GALNS: variants seen among roughly 807,000 people sequenced by gnomAD.
The protein encoded by GALNS is galactosamine (N-acetyl)-6-sulfatase.
Under a neutral mutation model 65.9 loss-of-function variants are expected in GALNS, and 65 were observed. That is an observed-to-expected ratio of 0.99 (90% CI 0.81 to 1.21). GALNS has a LOEUF of 1.21. Ranked by LOEUF, GALNS falls within the 50% of genes most tolerant of loss-of-function variation. The pLI is 0.00. For missense variants in GALNS, 776 were observed against 700.7 expected (o/e 1.11, Z -1.21); for synonymous variants, 346 against 288.9 (o/e 1.20, Z -2.00).
intron 11 of GALNS, among the ~76,000 whole-genome samples, chr16:88,824,413 C>G (rs1910585011): frequency 6.6e-6 from 1 of 152,164 alleles, no homozygotes; most frequent in African/African-American, 2.4e-5. Flanking sequence ...CTGGGCCAAG[C>G]AGGCCACGTC....
Position 88,837,817 on chromosome 16 carries a change from A to T in GALNS, c.423-52T>A, listed in dbSNP as rs757726045. On this transcript the variant is annotated intron_variant, in intron 4 of 13. Transcript: ENST00000268695. ...AGGGACCCCACGTGGGGACACTCGG[A>T]AGTTCTGAGCAGCAACAGATACCAC... 1.4e-5 allele frequency: 23 copies of T among 1,602,656 alleles called. No homozygotes were observed. In the South Asian group the frequency reaches 2.4e-4, roughly 17 times the overall value.
intron 2 of GALNS, chr16:88,842,302 CT>C (rs1967013033): frequency 1.9e-6 from 1 of 522,994 alleles, no homozygotes; most frequent in Non-Finnish European, 3.5e-6. Context: ...GCCCTGCCTT[CT>C]CCTCTTCCTC....
Position 88,846,677 on chromosome 16 carries a change from G to A in GALNS, c.121-3848C>T, listed in dbSNP as rs1295530041. On this transcript the variant is annotated intron_variant, in intron 1 of 13. Coordinates refer to ENST00000268695, the MANE Select transcript of GALNS (RefSeq NM_000512.5). ...CCTGCCTCAGCCTCCCAAGTAGCTG[G>A]GATTATAGGCGCCCTCCATCATGCT... Among the ~76,000 whole-genome samples the A allele has an allele frequency of 2.6e-5, 4 of 151,968 alleles. No homozygotes were observed. In the East Asian group the frequency reaches 7.7e-4, roughly 29 times the overall value.
chr16:88,815,732 G>A (rs920121023), intron 13 of GALNS: 124 of 985,314 alleles, frequency 1.3e-4, no homozygotes, highest in African/African-American at 1.4e-4. Flanking sequence ...AGCCCTAGGC[G>A]GCAGCAGGGA....
chr16:88,836,703 A>G (rs933826590), intron 5 of GALNS, among the ~76,000 whole-genome samples: 7 of 151,720 alleles, frequency 4.6e-5, no homozygotes, highest in African/African-American at 1.7e-4. Flanking sequence ...CACTCAGGGA[A>G]CAACCAAGCT....
chr16:88,835,479 G>A (rs1912024383), intron 7 of GALNS, 127 bp from the exon 8 acceptor site: 1 of 1,360,724 alleles, frequency 7.3e-7, no homozygotes, highest in Non-Finnish European at 1.0e-6. Context: ...AGTGAAACTG[G>A]CCGGCCTCTT....
Position 88,814,188 on chromosome 16 carries a change from C to G in GALNS, c.*251G>C, listed in dbSNP as rs1909392044. ...TCACAAAGGCGTGAGACGGCAGGGT[C>G]CTGAGGTCTGAGGCGCCGTGGGCGA... On this transcript the variant is annotated 3_prime_UTR_variant, in exon 14 of 14. Coordinates refer to ENST00000268695, the MANE Select transcript of GALNS (RefSeq NM_000512.5). 1 of 586,288 alleles carries G rather than the reference C, an allele frequency of 1.7e-6. No homozygotes were observed. The highest frequency in any genetic ancestry group is 2.9e-5 in the East Asian group (1 of 34,458). 36.3% of individuals were successfully genotyped at this position (586,288 alleles called of 1,614,324 possible). A position where few individuals can be genotyped will look rare whatever the true frequency, so the allele number is the denominator to read the frequency against.
At chr16:88,839,766 T>C (rs534986143) in intron 4 of GALNS, among the ~76,000 whole-genome samples, 1 of 152,298 alleles carries the variant, frequency 6.6e-6, no homozygotes, top group Admixed American at 6.5e-5. Flanking sequence ...GGGTCCCCTC[T>C]CTCCCGTCGA....
chr16:88,833,238 C>G (rs1333763213), intron 8 of GALNS, among the ~76,000 whole-genome samples: 1 of 152,184 alleles, frequency 6.6e-6, no homozygotes, highest in Non-Finnish European at 1.5e-5. Flanking sequence ...CAGCTCTGCT[C>G]AGAGCCCCTC....
At position 88,826,706 on chromosome 16, in the gene GALNS, C is replaced by T. The variant is rs146471218; in HGVS notation, c.1135G>A (p.Asp379Asn). ...CGGGGCAGGTCTAGCACCAACCTGTCCATCAGCCGGCCCTGCAGGAGGGTG... is the reference window on the plus strand; with the variant it reads ...CGGGGCAGGTCTAGCACCAACCTGTTCATCAGCCGGCCCTGCAGGAGGGTG... Reference protein sequence around the residue: ...LPTLLQGRLMDRPIFYYRGDT... With the variant: ...LPTLLQGRLMNRPIFYYRGDT... The change falls in exon 10 of 14, where the codon GAC becomes AAC. Residue 379 changes from aspartate to asparagine, a missense_variant. Coordinates refer to ENST00000268695, the MANE Select transcript of GALNS (RefSeq NM_000512.5). The T allele has an allele frequency of 2.2e-5, 36 of 1,612,368 alleles. No individual in the cohort carries two copies. The African/African-American group carries it at 4.7e-4, about 21-fold the overall frequency.
chr16:88,824,401 A>T (rs998364480), intron 11 of GALNS, among the ~76,000 whole-genome samples: 4 of 151,970 alleles, frequency 2.6e-5, no homozygotes, highest in Admixed American at 2.6e-4. Flanking sequence ...CCCATGTAGC[A>T]CCTGGGCCAA....
intron 13 of GALNS, chr16:88,816,449 C>T (rs79530020): frequency 0.025 from 24,640 of 985,342 alleles, 669 homozygotes; most frequent in African/African-American, 0.12. Context: ...GAGGCGGGGA[C>T]GCCAGCTGCC....
At position 88,836,270 on chromosome 16, in the gene GALNS, G is replaced by A. The variant is rs549597016; in HGVS notation, c.567-3C>T. On this transcript the variant is annotated splice_polypyrimidine_tract_variant and splice_region_variant and intron_variant, in intron 5 of 13. Transcript: ENST00000268695. ...TAATAGGAAATTCTTCATAATATCT[G>A]AAAAGAACACAGATCCAGACAGACT... The A allele has an allele frequency of 3.1e-4, 505 of 1,610,280 alleles. 9 individuals are homozygous for A. In the South Asian group the frequency reaches 5.3e-3, roughly 17 times the overall value.
chr16:88,829,387 G>A (rs1372218810), intron 9 of GALNS, among the ~76,000 whole-genome samples: 1 of 152,228 alleles, frequency 6.6e-6, no homozygotes, highest in African/African-American at 2.4e-5. Flanking sequence ...TGCTTCTCCT[G>A]CACAACAAGG....
intron 1 of GALNS, chr16:88,855,176 T>G (rs534381998): frequency 2.1e-5 from 14 of 665,452 alleles, no homozygotes; most frequent in Admixed American, 1.5e-4. Context: ...CAAAATATTA[T>G]TTCGACAAGT....
intron 10 of GALNS, 74 bp downstream of exon 10, chr16:88,826,628 G>A (rs1474841689): frequency 5.2e-6 from 8 of 1,545,806 alleles, no homozygotes; most frequent in African/African-American, 2.7e-5. Context: ...GGGCCTGGGG[G>A]TTGCACCTGA....
rs756456652 is a variant in GALNS at position 88,837,747 on chromosome 16, G to A, written c.441C>T (p.Pro147=). 1.7e-5 allele frequency: 27 copies of A among 1,613,862 alleles called. No individual in the cohort carries two copies. The highest frequency in any genetic ancestry group is 2.2e-5 in the Non-Finnish European group (26 of 1,180,016). ...ATCCGTGCTTCAGGGGGTGGAACTG[G>A]GGCCTGTGACCCAGATGCCTGGAAA... is the stretch of plus-strand genomic sequence containing the variant. ...IVGKWHLGHR[P]QFHPLKHGFD... is the part of the protein sequence containing the mutation. Residue 147 remains proline, a synonymous_variant, in exon 5 of 14, where the codon CCC becomes CCT. Coordinates refer to ENST00000268695, the MANE Select transcript of GALNS (RefSeq NM_000512.5).
At chr16:88,847,243 C>T (rs531562407) in intron 1 of GALNS, among the ~76,000 whole-genome samples, 1 of 152,232 alleles carries the variant, frequency 6.6e-6, no homozygotes, top group Admixed American at 6.5e-5. Context: ...TGGTGGCACA[C>T]ACCTGTAATC....
intron 1 of GALNS, among the ~76,000 whole-genome samples, chr16:88,849,211 C>G (rs2143008479): frequency 6.6e-6 from 1 of 152,270 alleles, no homozygotes; most frequent in Non-Finnish European, 1.5e-5. Flanking sequence ...GCCTTCCGGG[C>G]TCAGGTGATC....
Sources: gnomAD v4.1 joint callset for allele counts (sites outside exome capture counted in the v4.1 genomes callset) on GRCh38, gnomAD v4.1.1 for gene constraint, MANE v1.5 for transcripts, NCBI Gene and HGNC (gene_info 2026-07-23, HGNC 2026-07-21) for gene names.